Variants in SQOR observed in about 807,000 individuals in gnomAD.
SQOR encodes sulfide:quinone oxidoreductase, mitochondrial.
A neutral mutation model predicts 48.6 loss-of-function variants in SQOR; 39 were observed. That is an observed-to-expected ratio of 0.80 (90% CI 0.62 to 1.05). SQOR has a LOEUF of 1.05. SQOR is among the 50% of genes least tolerant of loss of function. SQOR has a pLI of 0.00. For missense variants in SQOR, 561 were observed against 559.9 expected (o/e 1.00, Z -0.02); for synonymous variants, 220 against 206.2 (o/e 1.07, Z -0.57).
intron 4 of SQOR, 144 bp from the exon 5 acceptor site, chr15:45,673,463 C>G (rs1208398731): frequency 1.1e-6 from 1 of 877,734 alleles, no homozygotes; most frequent in Non-Finnish European, 1.8e-6. Context: ...AGAACCCTCA[C>G]CCACCTGCCT....
chr15:45,641,924 A>T (rs1174786083), intron 1 of SQOR, among the ~76,000 whole-genome samples: 2 of 152,092 alleles, frequency 1.3e-5, no homozygotes, highest in East Asian at 3.9e-4. Context: ...TCTCACATTC[A>T]CACCCCTCAT....
chr15:45,669,677 A>T (rs1889903839), intron 3 of SQOR, among the ~76,000 whole-genome samples: 1 of 152,214 alleles, frequency 6.6e-6, no homozygotes, highest in African/African-American at 2.4e-5. Context: ...AGAGGGCATG[A>T]TGGGAGTGGA....
intron 3 of SQOR, among the ~76,000 whole-genome samples, chr15:45,666,875 CCCTCCTTTCT>C (rs1889833708): frequency 1.9e-5 from 1 of 52,768 alleles, no homozygotes; most frequent in Non-Finnish European, 3.8e-5. Context: ...CCCTCCCCTC[CCCTCCTTTCT>C]CCTCCTCTCC....
At chr15:45,684,194 T>C (rs1280049956) in intron 7 of SQOR, among the ~76,000 whole-genome samples, 1 of 152,188 alleles carries the variant, frequency 6.6e-6, no homozygotes, top group African/African-American at 2.4e-5. Flanking sequence ...ATTACAGGCG[T>C]GAGCCACCAC....
At chr15:45,660,755 TCCTC>T (rs1184577127) in intron 2 of SQOR, among the ~76,000 whole-genome samples, 2 of 152,174 alleles carry the variant, frequency 1.3e-5, no homozygotes, top group African/African-American at 4.8e-5. Context: ...ACCTCTGTCT[TCCTC>T]CCTCTTGGAT....
At chr15:45,634,198 CTATATATATATATATA>C (rs60889862), upstream of SQOR, among the ~76,000 whole-genome samples, 14 of 43,866 alleles carry the variant, frequency 3.2e-4, no homozygotes, top group African/African-American at 8.8e-4. Flanking sequence ...ACAACAACAA[CTATATATATATATATA>C]TATATATATA....
In SQOR at chr15:45,639,586, T is replaced by C. The variant is rs115571816; in HGVS notation, c.-18+4478T>C. Among the ~76,000 whole-genome samples the C allele has an allele frequency of 3.8e-3, 581 of 152,290 alleles. 5 individuals are homozygous for C. Among genetic ancestry groups the C allele is most frequent in the African/African-American group, 0.013 (549 of 41,568 alleles). The stretch of plus-strand genomic sequence containing the variant: ...TGGGAGGGAGGGCTGCTTCTGGAAG[T>C]GGGGATTGTGGTGATTTCACTCTAT... On this transcript the variant is annotated intron_variant, in intron 1 of 9. Transcript: ENST00000260324.
At chr15:45,661,852 G>A (rs1448976921) in intron 2 of SQOR, 103 bp from the exon 3 acceptor site, 2 of 1,234,916 alleles carry the variant, frequency 1.6e-6, no homozygotes, top group Non-Finnish European at 2.2e-6. Flanking sequence ...ATGCTCTAAA[G>A]GTCAGGAGGG....
chr15:45,650,341 C>T lies in SQOR; in HGVS notation c.-17-8566C>T, dbSNP rs559881451. Among the ~76,000 whole-genome samples the T allele has an allele frequency of 6.6e-5, 10 of 152,214 alleles. No homozygotes were observed. In the South Asian group the frequency reaches 8.3e-4, roughly 13 times the overall value. On this transcript the variant is annotated intron_variant, in intron 1 of 9. Coordinates refer to ENST00000260324, the MANE Select transcript of SQOR (RefSeq NM_021199.4). ...TGGGGAGTGTTACAGTTCTTAAAGG[C>T]GGCGTGTCCGGAGTTTGTTCCTTCT...
Position 45,674,605 on chromosome 15 carries a change from TA to T in SQOR, c.654+811del, listed in dbSNP as rs1192104470. Among the ~76,000 whole-genome samples the T allele has an allele frequency of 5.9e-5, 9 of 152,230 alleles. No individual in the cohort carries two copies. The East Asian group carries it at 1.7e-3, about 29-fold the overall frequency. ...TATTTTCTGTCCCTTGGGTATACAT[TA>T]AAAAAATATGATACGGAAAATGCCA... On this transcript the variant is annotated intron_variant, in intron 5 of 9. Transcript: ENST00000260324.
rs1890140888 is a variant in SQOR, at chr15:45,682,482, A to C, written c.869A>C (p.Glu290Ala). 1 of 1,613,906 alleles carries C rather than the reference A, an allele frequency of 6.2e-7. No individual in the cohort carries two copies. Among genetic ancestry groups the C allele is most frequent in the Admixed American group, 1.7e-5 (1 of 59,966 alleles). ...KPGETQVISY[E>A]MLHVTPPMSP... ...GGATTCTCTCTTTGTGTGTAGTATG[A>C]AATGCTTCATGTCACACCTCCAATG... The change falls in exon 7 of 10, where the codon GAA (glutamate) becomes GCA (alanine). Residue 290 changes from glutamate (E) to alanine (A), a missense_variant. Glu to Ala is a moderately radical substitution (Grantham distance 107, BLOSUM62 -1). Coordinates refer to ENST00000260324, the MANE Select transcript of SQOR (RefSeq NM_021199.4).
At chr15:45,677,018 G>A (rs1158451088) in intron 6 of SQOR, among the ~76,000 whole-genome samples, 2 of 149,690 alleles carry the variant, frequency 1.3e-5, no homozygotes, top group African/African-American at 4.9e-5. Flanking sequence ...TCCAGCCTGG[G>A]TGACAGAGTG....
chr15:45,635,514 C>T lies in SQOR; in HGVS notation c.-18+406C>T, dbSNP rs537607053. Reference sequence around the variant, plus strand: ...TCCGGGGGCCAGGGATTGACACAGTCATCCACCGACACTGCGCGTGGGACA... The same window carrying T: ...TCCGGGGGCCAGGGATTGACACAGTTATCCACCGACACTGCGCGTGGGACA... On this transcript the variant is annotated intron_variant, in intron 1 of 9. Coordinates refer to ENST00000260324, the MANE Select transcript of SQOR (RefSeq NM_021199.4). 1.5e-4 allele frequency among the ~76,000 whole-genome samples: 23 copies of T among 152,276 alleles called. No individual in the cohort carries two copies. The South Asian group carries it at 4.4e-3, about 29-fold the overall frequency.
intron 1 of SQOR, among the ~76,000 whole-genome samples, chr15:45,658,603 G>T (rs944350772): frequency 6.6e-6 from 1 of 152,214 alleles, no homozygotes; most frequent in African/African-American, 2.4e-5. Flanking sequence ...GATGGACAAG[G>T]ATGGGTACAG....
chr15:45,679,527 C>A (rs1047807256), intron 6 of SQOR, among the ~76,000 whole-genome samples: 4 of 152,064 alleles, frequency 2.6e-5, no homozygotes, highest in Non-Finnish European at 2.9e-5. Flanking sequence ...GATGGTGAAA[C>A]CTGTATCTAC....
chr15:45,643,990 A>AT, intron 1 of SQOR, among the ~76,000 whole-genome samples: 1 of 152,308 alleles, frequency 6.6e-6, no homozygotes, highest in East Asian at 1.9e-4. Flanking sequence ...AGTTGCAAAA[A>AT]TTTATAAAAA....
At chr15:45,638,743 A>T (rs540464515) in intron 1 of SQOR, among the ~76,000 whole-genome samples, 1 of 143,864 alleles carries the variant, frequency 7.0e-6, no homozygotes, top group South Asian at 2.2e-4. Flanking sequence ...AGAAAGAAAG[A>T]AAAAAAAAAA....
At chr15:45,672,425 C>G (rs1889961260) in intron 4 of SQOR, among the ~76,000 whole-genome samples, 2 of 152,072 alleles carry the variant, frequency 1.3e-5, no homozygotes, top group African/African-American at 4.8e-5. Flanking sequence ...CTAACTGTAA[C>G]AGGGGTGAAC....
intron 7 of SQOR, among the ~76,000 whole-genome samples, chr15:45,686,147 C>T (rs997793492): frequency 7.6e-6 from 1 of 131,070 alleles, no homozygotes; most frequent in African/African-American, 2.8e-5. Flanking sequence ...TGCTTGGCCT[C>T]ATTTAATATA....
Sources: gnomAD v4.1 joint callset for allele counts (sites outside exome capture counted in the v4.1 genomes callset) on GRCh38, gnomAD v4.1.1 for gene constraint, MANE v1.5 for transcripts, NCBI Gene and HGNC (gene_info 2026-07-23, HGNC 2026-07-21) for gene names.